LINGO2: variants seen among roughly 807,000 people sequenced by gnomAD.
LINGO2 encodes leucine rich repeat and Ig domain containing 2.
Under a neutral mutation model 30.6 loss-of-function variants are expected in LINGO2, and 14 were observed. That is an observed-to-expected ratio of 0.46 (90% CI 0.30 to 0.72). The LOEUF is 0.72. Among genes scored for constraint, LINGO2 ranks in the 30% least tolerant of loss-of-function variants. The pLI is 0.07. For synonymous variants in LINGO2, 317 were observed against 288.5 expected (o/e 1.10, Z -1.00); for missense variants, 729 against 751.7 (o/e 0.97, Z 0.35).
downstream of LINGO2, among the ~76,000 whole-genome samples, chr9:27,947,044 CCA>C (rs1196728728): frequency 6.6e-6 from 1 of 151,998 alleles, no homozygotes; most frequent in Non-Finnish European, 1.5e-5. Flanking sequence ...GAAGCAAACC[CCA>C]GAGACTTTCT....
the LINGO2 span, among the ~76,000 whole-genome samples, chr9:29,189,947 GC>G: frequency 0.015 from 2,301 of 151,324 alleles, 93 homozygotes; most frequent in Admixed American, 0.094. Flanking sequence ...GTTGCAGTGA[GC>G]CGAGATGGCA....
chr9:28,589,917 C>T (rs1824783676), intron 1 of LINGO2, among the ~76,000 whole-genome samples: 1 of 152,136 alleles, frequency 6.6e-6, no homozygotes, highest in African/African-American at 2.4e-5. Flanking sequence ...TACAAGGCTA[C>T]AGTAACCAAA....
At chr9:28,566,807 A>G (rs966168984) in intron 1 of LINGO2, among the ~76,000 whole-genome samples, 2 of 152,168 alleles carry the variant, frequency 1.3e-5, no homozygotes, top group African/African-American at 2.4e-5. Flanking sequence ...TCTTGTGCCT[A>G]AAATAAAATG....
chr9:28,137,725 C>T (rs1043092588), intron 4 of LINGO2, among the ~76,000 whole-genome samples: 6 of 151,938 alleles, frequency 3.9e-5, no homozygotes, highest in Admixed American at 1.3e-4. Context: ...TAATGATAGG[C>T]ATATTACCTT....
At chr9:27,939,233 A>G in the LINGO2 span, 5 of 152,182 alleles carry the variant, frequency 3.3e-5, no homozygotes, top group Admixed American at 3.3e-4. Context: ...CTTTTGAAAT[A>G]TATTCAACCA....
rs376903211 is a variant in LINGO2, at chr9:28,215,204, T to C, written c.-87+80004A>G. ...TCAGAGGTGGGTTATATAGCTATGA[T>C]ATCTAACAATAACATTCTCCTTTAG... On this transcript the variant is annotated intron_variant, in intron 4 of 5. Transcript: ENST00000379992. 2.6e-5 allele frequency among the ~76,000 whole-genome samples: 4 copies of C among 151,954 alleles called. No individual in the cohort carries two copies. The East Asian group carries it at 7.7e-4, about 29-fold the overall frequency.
intron 4 of LINGO2, among the ~76,000 whole-genome samples, chr9:28,042,139 A>G (rs937660485): frequency 9.2e-5 from 14 of 152,168 alleles, no homozygotes; most frequent in Non-Finnish European, 2.1e-4. Flanking sequence ...ACAATTACAA[A>G]TGTTAGTTCC....
chr9:27,983,070 C>A (rs1421030349), intron 5 of LINGO2, among the ~76,000 whole-genome samples: 2 of 151,754 alleles, frequency 1.3e-5, no homozygotes. Flanking sequence ...TCCTAATACC[C>A]TTGAAACATT....
In LINGO2 at chr9:28,164,114, T is replaced by C. The variant is rs183301882; in HGVS notation, c.-87+131094A>G. On this transcript the variant is annotated intron_variant, in intron 4 of 5. Transcript: ENST00000379992. ...AAAATAAATTAATAATAAACTGTAA[T>C]AGAATGGCATCACTTTGACAATTTT... is the stretch of plus-strand genomic sequence containing the variant. Among the ~76,000 whole-genome samples, 472 of 152,286 alleles carry C rather than the reference T, an allele frequency of 3.1e-3. 2 individuals carry two copies. The highest frequency in any genetic ancestry group is 5.0e-3 in the African/African-American group (206 of 41,562).
At chr9:28,511,543 A>G (rs1448347616) in intron 1 of LINGO2, among the ~76,000 whole-genome samples, 1 of 152,188 alleles carries the variant, frequency 6.6e-6, no homozygotes, top group Non-Finnish European at 1.5e-5. Context: ...AGTGGTGTCC[A>G]CAGAACAGGT....
the LINGO2 span, among the ~76,000 whole-genome samples, chr9:29,011,190 T>C: frequency 6.6e-6 from 1 of 152,170 alleles, no homozygotes; most frequent in African/African-American, 2.4e-5. Flanking sequence ...TATATAAAAA[T>C]TAATTATTAG....
At chr9:28,864,710 T>C in the LINGO2 span, among the ~76,000 whole-genome samples, 1 of 151,794 alleles carries the variant, frequency 6.6e-6, no homozygotes, top group Non-Finnish European at 1.5e-5. Context: ...AGGAATACCC[T>C]ACTCACCTCC....
intron 1 of LINGO2, among the ~76,000 whole-genome samples, chr9:28,577,927 T>C (rs1824070226): frequency 6.6e-6 from 1 of 152,108 alleles, no homozygotes. Flanking sequence ...TTTTTCTGAA[T>C]GGAAAATCTG....
chr9:29,178,845 G>C, the LINGO2 span, among the ~76,000 whole-genome samples: 10 of 152,084 alleles, frequency 6.6e-5, no homozygotes, highest in African/African-American at 1.9e-4. Context: ...CAGAGGAGCT[G>C]GGTTCAGTAA....
chr9:28,751,430 C>T, the LINGO2 span, among the ~76,000 whole-genome samples: 12 of 151,854 alleles, frequency 7.9e-5, no homozygotes, highest in South Asian at 2.5e-3. Context: ...ATTGAAACTA[C>T]AGATATATTT....
chr9:28,121,236 G>T (rs898927633), intron 4 of LINGO2, among the ~76,000 whole-genome samples: 1 of 151,774 alleles, frequency 6.6e-6, no homozygotes. Flanking sequence ...CAGTGCAGAG[G>T]TTTTTTTTAC....
chr9:28,012,280 G>A (rs887274742), intron 5 of LINGO2: 1 of 152,180 alleles, frequency 6.6e-6, no homozygotes, highest in South Asian at 2.1e-4. Context: ...AAGGTGGAGA[G>A]GAGCTGGTCT....
rs573725942 is a variant in LINGO2 at position 28,174,930 on chromosome 9, G to A, written c.-87+120278C>T. ...TGTGTGTGTGTGTGTGTGAGAGAGAGAGAGAGAGAGAGAGAGAGACAGACA... is the reference window on the plus strand; with the variant it reads ...TGTGTGTGTGTGTGTGTGAGAGAGAAAGAGAGAGAGAGAGAGAGACAGACA... On this transcript the variant is annotated intron_variant, in intron 4 of 5. Transcript: ENST00000379992. Among the ~76,000 whole-genome samples, 8 of 151,928 alleles carry A rather than the reference G, an allele frequency of 5.3e-5. No homozygotes were observed. The East Asian group carries it at 1.6e-3, about 29-fold the overall frequency.
At chr9:29,102,757 C>G in the LINGO2 span, among the ~76,000 whole-genome samples, 36,139 of 151,842 alleles carry the variant, frequency 0.24, 4,417 homozygotes, top group East Asian at 0.4. Flanking sequence ...TAGTGTTTTT[C>G]TCAGTGTATA....
Sources: gnomAD v4.1 joint callset for allele counts (sites outside exome capture counted in the v4.1 genomes callset) on GRCh38, gnomAD v4.1.1 for gene constraint, MANE v1.5 for transcripts, NCBI Gene and HGNC (gene_info 2026-07-23, HGNC 2026-07-21) for gene names.